Variants in THSD4 observed in about 807,000 individuals in gnomAD.
The protein encoded by THSD4 is thrombospondin type 1 domain containing 4.
Under a neutral mutation model 119.0 loss-of-function variants are expected in THSD4, and 69 were observed. The observed-to-expected ratio is 0.58, with a 90% CI of 0.48 to 0.71. The LOEUF (loss-of-function observed/expected upper bound fraction) is 0.71, where lower values mean the gene tolerates loss of function less well. Among genes scored for constraint, THSD4 ranks in the 30% least tolerant of loss-of-function variants. The pLI, the probability that THSD4 is intolerant of heterozygous loss-of-function variation, is 0.00. For missense variants in THSD4, 1,393 were observed against 1,391.1 expected (o/e 1.00, Z -0.02); for synonymous variants, 524 against 540.4 (o/e 0.97, Z 0.42).
intron 8 of THSD4, among the ~76,000 whole-genome samples, chr15:71,663,371 C>T (rs1298009505): frequency 6.6e-6 from 1 of 152,144 alleles, no homozygotes; most frequent in East Asian, 1.9e-4. Context: ...GAAAATATTA[C>T]ATAAGGTCCC....
At chr15:71,752,762 T>G (rs1376735838) in intron 14 of THSD4, among the ~76,000 whole-genome samples, 1 of 152,208 alleles carries the variant, frequency 6.6e-6, no homozygotes, top group Non-Finnish European at 1.5e-5. Flanking sequence ...GTGGGAAGGA[T>G]TTCCTGTGGG....
At chr15:71,175,990 C>A (rs2043445628) in intron 3 of THSD4, among the ~76,000 whole-genome samples, 1 of 55,658 alleles carries the variant, frequency 1.8e-5, no homozygotes. Flanking sequence ...GAAGGAAGCG[C>A]TAAACATGGA....
chr15:71,320,127 T>A (rs1489894487), intron 6 of THSD4, among the ~76,000 whole-genome samples: 1 of 152,158 alleles, frequency 6.6e-6, no homozygotes, highest in East Asian at 1.9e-4. Flanking sequence ...TAGGTGAACT[T>A]CTAGTTCCCG....
intron 7 of THSD4, among the ~76,000 whole-genome samples, chr15:71,601,533 T>G (rs907335300): frequency 2.6e-5 from 4 of 152,230 alleles, no homozygotes; most frequent in African/African-American, 9.6e-5. Context: ...TATAAATGAC[T>G]GTAATTGCAC....
At chr15:71,104,919 G>A (rs1368577922) in intron 1 of THSD4, among the ~76,000 whole-genome samples, 1 of 152,140 alleles carries the variant, frequency 6.6e-6, no homozygotes, top group East Asian at 1.9e-4. Context: ...CCCTTGTCCG[G>A]CACGGCCTTA....
intron 6 of THSD4, among the ~76,000 whole-genome samples, chr15:71,393,027 T>A (rs778543266): frequency 9.9e-5 from 15 of 152,224 alleles, no homozygotes; most frequent in Non-Finnish European, 1.8e-4. Flanking sequence ...TTCTCATTTG[T>A]TCAAATCCTT....
At chr15:71,496,995 C>A (rs942336216) in intron 7 of THSD4, among the ~76,000 whole-genome samples, 1 of 152,152 alleles carries the variant, frequency 6.6e-6, no homozygotes, top group African/African-American at 2.4e-5. Context: ...AATACATGAA[C>A]ACTGGGCATG....
upstream of THSD4, chr15:71,111,222 A>C (rs2040302009): frequency 3.1e-6 from 5 of 1,613,196 alleles, no homozygotes; most frequent in East Asian, 2.2e-5. Flanking sequence ...GGGAAAGAGA[A>C]GGAGATAACC....
chr15:71,341,037 C>G, intron 6 of THSD4: 64 of 689,048 alleles, frequency 9.3e-5, no homozygotes, highest in Non-Finnish European at 1.3e-4. Context: ...TCTTGCATTT[C>G]CTCTCTCTCC....
chr15:71,583,248 A>G (rs1402053090), intron 7 of THSD4, among the ~76,000 whole-genome samples: 1 of 152,046 alleles, frequency 6.6e-6, no homozygotes, highest in East Asian at 1.9e-4. Flanking sequence ...TGTTTCTGTC[A>G]TATCAGTTAT....
At chr15:71,119,515 G>C (rs1457345072) in intron 1 of THSD4, among the ~76,000 whole-genome samples, 1 of 152,198 alleles carries the variant, frequency 6.6e-6, no homozygotes, top group Admixed American at 6.5e-5. Context: ...GAGCAATGGA[G>C]AGTTGTGGCC....
intron 7 of THSD4, among the ~76,000 whole-genome samples, chr15:71,572,237 A>G (rs2049371594): frequency 6.6e-6 from 1 of 152,226 alleles, no homozygotes; most frequent in Non-Finnish European, 1.5e-5. Context: ...GGGTGAGAGT[A>G]GCTATATTAA....
chr15:71,465,944 A>G (rs575313824), intron 7 of THSD4, among the ~76,000 whole-genome samples: 2 of 152,274 alleles, frequency 1.3e-5, no homozygotes, highest in South Asian at 4.2e-4. Flanking sequence ...CCAAGGATGA[A>G]ATTGATGTGG....
intron 7 of THSD4, among the ~76,000 whole-genome samples, chr15:71,472,546 T>C (rs917709173): frequency 1.3e-5 from 2 of 152,166 alleles, no homozygotes; most frequent in Non-Finnish European, 2.9e-5. Flanking sequence ...GAAGATTTCT[T>C]TGCTCTTCTT....
intron 7 of THSD4, among the ~76,000 whole-genome samples, chr15:71,452,511 C>T (rs2047279486): frequency 6.8e-6 from 1 of 148,106 alleles, no homozygotes. Context: ...AATTGTGGCT[C>T]CCCTCCACCA....
chr15:71,193,037 C>T (rs2043686596), intron 3 of THSD4, among the ~76,000 whole-genome samples: 1 of 152,188 alleles, frequency 6.6e-6, no homozygotes, highest in Non-Finnish European at 1.5e-5. Context: ...CCAGCCAAAC[C>T]TGGCTGCAAA....
chr15:71,360,257 C>T (rs2045875462), intron 6 of THSD4, among the ~76,000 whole-genome samples: 1 of 152,162 alleles, frequency 6.6e-6, no homozygotes, highest in Admixed American at 6.5e-5. Flanking sequence ...TGGCAGCCAA[C>T]TTTCCCCAGA....
intron 8 of THSD4, among the ~76,000 whole-genome samples, chr15:71,727,769 C>A (rs1397316672): frequency 9.9e-3 from 1,240 of 125,362 alleles, no homozygotes; most frequent in Non-Finnish European, 0.013. Flanking sequence ...GACCCTGTCT[C>A]AAAAAAAAAA....
chr15:71,425,020 C>T (rs1045498506), intron 7 of THSD4, among the ~76,000 whole-genome samples: 20 of 151,940 alleles, frequency 1.3e-4, no homozygotes, highest in African/African-American at 4.6e-4. Context: ...CCCATCCCCC[C>T]GAAAAAAGTG....
Sources: gnomAD v4.1 joint callset for allele counts (sites outside exome capture counted in the v4.1 genomes callset) on GRCh38, gnomAD v4.1.1 for gene constraint, MANE v1.5 for transcripts, NCBI Gene and HGNC (gene_info 2026-07-23, HGNC 2026-07-21) for gene names.